TAF1B: variants seen among roughly 807,000 people sequenced by gnomAD.
TAF1B encodes the protein TATA box-binding protein-associated factor RNA polymerase I subunit B.
A neutral mutation model predicts 83.9 loss-of-function variants in TAF1B; 61 were observed. The ratio of observed to expected loss-of-function variants is 0.73; its 90% confidence interval spans 0.59 to 0.90. The LOEUF (loss-of-function observed/expected upper bound fraction) is 0.90. Ranked by LOEUF, TAF1B falls within the 40% of genes least tolerant of loss-of-function variation. The pLI, the probability that TAF1B is intolerant of heterozygous loss-of-function variation, is 0.00. For synonymous variants in TAF1B, 221 were observed against 224.6 expected (o/e 0.98, Z 0.14); for missense variants, 625 against 677.0 (o/e 0.92, Z 0.85).
chr2:9,888,952 C>T (rs914548195), intron 8 of TAF1B, among the ~76,000 whole-genome samples: 3 of 147,478 alleles, frequency 2.0e-5, no homozygotes, highest in African/African-American at 7.3e-5. Flanking sequence ...TACAGACATG[C>T]GCCACCACAC....
At chr2:9,851,371 C>G (rs1203763796) in intron 3 of TAF1B, among the ~76,000 whole-genome samples, 170 bp from the exon 4 acceptor site, 2 of 151,772 alleles carry the variant, frequency 1.3e-5, no homozygotes. Context: ...AATGGAAGCC[C>G]TCTTGAATGG....
At position 9,933,948 on chromosome 2, in the gene TAF1B, A is replaced by G. The variant is rs374928978; in HGVS notation, c.1731A>G (p.Arg577=). The part of the protein sequence containing the change: ...KLFEKKYSVK[R]KKSRSKKVRR... Reference sequence around the variant, plus strand: ...TTGAGAAAAAATACAGTGTAAAAAGAAAGAAATCAAGATCCAAGAAAGTGA... The same window carrying G: ...TTGAGAAAAAATACAGTGTAAAAAGGAAGAAATCAAGATCCAAGAAAGTGA... Residue 577 remains arginine (R), a synonymous_variant, in exon 15 of 15, where the codon AGA becomes AGG. Coordinates refer to ENST00000263663, the MANE Select transcript of TAF1B (RefSeq NM_005680.3). The G allele has an allele frequency of 7.5e-6, 12 of 1,608,352 alleles. No homozygotes were observed. In the African/African-American group the frequency reaches 1.2e-4, roughly 16 times the overall value.
At chr2:9,891,150 G>C (rs930691676) in intron 8 of TAF1B, among the ~76,000 whole-genome samples, 1 of 152,154 alleles carries the variant, frequency 6.6e-6, no homozygotes, top group Non-Finnish European at 1.5e-5. Flanking sequence ...CATATACAAC[G>C]GTGGTCTAAT....
At chr2:9,879,749 T>G (rs1357416041) in intron 7 of TAF1B, among the ~76,000 whole-genome samples, 1 of 152,168 alleles carries the variant, frequency 6.6e-6, no homozygotes, top group East Asian at 1.9e-4. Context: ...TAAACCAAGT[T>G]AGGAATTTGG....
At chr2:9,920,542 G>T (rs1377622915) in intron 14 of TAF1B, among the ~76,000 whole-genome samples, 2 of 132,810 alleles carry the variant, frequency 1.5e-5, no homozygotes, top group Non-Finnish European at 3.1e-5. Flanking sequence ...CCTCCTCAGG[G>T]TATCATTTCT....
At chr2:9,908,028 CTTTTTTTTTTTTTTTTTTTT>C (rs57261740) in intron 9 of TAF1B, among the ~76,000 whole-genome samples, 20 of 71,754 alleles carry the variant, frequency 2.8e-4, no homozygotes, top group South Asian at 1.0e-3. Flanking sequence ...GATCTTAATT[CTTTTTTTTTTTTTTTTTTTT>C]TTTTTTTTTT....
At chr2:9,892,382 A>G (rs1664896676) in intron 8 of TAF1B, among the ~76,000 whole-genome samples, 1 of 152,182 alleles carries the variant, frequency 6.6e-6, no homozygotes, top group East Asian at 1.9e-4. Context: ...ACTATACATT[A>G]TTATTGACTG....
intron 8 of TAF1B, among the ~76,000 whole-genome samples, chr2:9,898,840 A>AT (rs1665097113): frequency 6.6e-6 from 1 of 151,870 alleles, no homozygotes; most frequent in Non-Finnish European, 1.5e-5. Flanking sequence ...TATATGCTGA[A>AT]TTTTTTAAAT....
At chr2:9,884,903 A>AC (rs1290561858) in intron 8 of TAF1B, among the ~76,000 whole-genome samples, 1 of 152,124 alleles carries the variant, frequency 6.6e-6, no homozygotes, top group Non-Finnish European at 1.5e-5. Context: ...ATTCATAGTG[A>AC]CCCACATTCT....
intron 1 of TAF1B, among the ~76,000 whole-genome samples, chr2:9,844,741 C>T (rs528583301): frequency 6.6e-6 from 1 of 152,288 alleles, no homozygotes; most frequent in Non-Finnish European, 1.5e-5. Flanking sequence ...TCCCCAGCAC[C>T]TAGTAAAAAG....
chr2:9,899,441 A>G (rs990242461), intron 8 of TAF1B, among the ~76,000 whole-genome samples: 1 of 152,288 alleles, frequency 6.6e-6, no homozygotes, highest in Non-Finnish European at 1.5e-5. Context: ...TGTCTTATAT[A>G]AAATATATAT....
At chr2:9,924,321 C>T (rs4669496) in intron 14 of TAF1B, among the ~76,000 whole-genome samples, 1 of 152,038 alleles carries the variant, frequency 6.6e-6, no homozygotes, top group East Asian at 1.9e-4. Flanking sequence ...TGCCCTTAGG[C>T]TGAGTTGTCT....
At chr2:9,877,464 G>A (rs928040510) in intron 7 of TAF1B, among the ~76,000 whole-genome samples, 2 of 152,138 alleles carry the variant, frequency 1.3e-5, no homozygotes, top group African/African-American at 4.8e-5. Flanking sequence ...TGTCCACTCA[G>A]TTATATGTCC....
rs929007001 is a variant in TAF1B at position 9,878,732 on chromosome 2, CAT to C, written c.707+2718_707+2719del. On this transcript the variant is annotated intron_variant, in intron 7 of 14. Coordinates refer to ENST00000263663, the MANE Select transcript of TAF1B (RefSeq NM_005680.3). The stretch of plus-strand genomic sequence containing the variant: ...AGACCCTTGCGATGCAGTTGTGAAT[CAT>C]ATAGGTCAAGTCCTTGCTCTCACAA... 2.4e-4 allele frequency among the ~76,000 whole-genome samples: 37 copies of C among 152,280 alleles called. 1 individual carries two copies. Among genetic ancestry groups the C allele is most frequent in the African/African-American group, 8.9e-4 (37 of 41,542 alleles).
intron 14 of TAF1B, among the ~76,000 whole-genome samples, chr2:9,928,887 C>T (rs1188281234): frequency 1.3e-5 from 2 of 152,154 alleles, no homozygotes; most frequent in African/African-American, 4.8e-5. Context: ...CCAGAACTTC[C>T]AACACTATGT....
intron 6 of TAF1B, among the ~76,000 whole-genome samples, chr2:9,870,314 A>G (rs1358698777): frequency 6.6e-6 from 1 of 151,906 alleles, no homozygotes; most frequent in Non-Finnish European, 1.5e-5. Context: ...ACATAGTGAG[A>G]CCTCCATCTC....
At position 9,910,885 on chromosome 2, in the gene TAF1B, C is replaced by T. The variant is rs1558263083; in HGVS notation, c.1105C>T (p.Leu369Phe). The T allele has an allele frequency of 1.2e-6, 2 of 1,611,142 alleles. No homozygotes were observed. ...VAIIVVVLKL[L>F]FLLDDSFEWS... ...TATCATTGTGGTGGTATTGAAACTG[C>T]TCTTTCTATTGGATGACAGTTTCGA... The change falls in exon 10 of 15, where the codon CTC (leucine) becomes TTC (phenylalanine). Residue 369 changes from leucine to phenylalanine, a missense_variant. By Grantham distance (22) the Leu-to-Phe change is conservative (BLOSUM62 0). Transcript: ENST00000263663.
intron 14 of TAF1B, among the ~76,000 whole-genome samples, chr2:9,932,525 C>T (rs1286524213): frequency 2.0e-5 from 3 of 152,198 alleles, no homozygotes; most frequent in Non-Finnish European, 4.4e-5. Context: ...ATATTGCTGC[C>T]TGATCCTTCC....
In TAF1B at chr2:9,918,236, T is replaced by A. The variant is rs1048592999; in HGVS notation, c.1272-805T>A. On this transcript the variant is annotated intron_variant, in intron 12 of 14. Transcript: ENST00000263663. ...TTCTCTGCTCTAGGGAACACAGAAATAATAAAAATGAGACCAAGAATGAAC... is the reference window on the plus strand; with the variant it reads ...TTCTCTGCTCTAGGGAACACAGAAAAAATAAAAATGAGACCAAGAATGAAC... 5.3e-5 allele frequency among the ~76,000 whole-genome samples: 8 copies of A among 152,268 alleles called. No individual in the cohort carries two copies. The East Asian group carries it at 1.5e-3, about 29-fold the overall frequency.
Sources: gnomAD v4.1 joint callset for allele counts (sites outside exome capture counted in the v4.1 genomes callset) on GRCh38, gnomAD v4.1.1 for gene constraint, MANE v1.5 for transcripts, NCBI Gene and HGNC (gene_info 2026-07-23, HGNC 2026-07-21) for gene names.